The following PRRG4 variants were observed in gnomAD, a reference collection of about 807,000 sequenced individuals.
PRRG4 encodes transmembrane gamma-carboxyglutamic acid protein 4.
PRRG4 carries 12 observed loss-of-function variants against 20.0 expected under a neutral mutation model. That is an observed-to-expected ratio of 0.60 (90% CI 0.38 to 0.97). The LOEUF is 0.97. Among genes scored for constraint, PRRG4 ranks in the 50% least tolerant of loss-of-function variants. The probability of loss-of-function intolerance (pLI) is 0.00; values close to 1 mark genes in which losing one functional copy is unlikely to be tolerated. For missense variants in PRRG4, 199 were observed against 265.1 expected (o/e 0.75, Z 1.73); for synonymous variants, 94 against 96.4 (o/e 0.98, Z 0.15).
At chr11:32,851,498 C>G (rs1851182936) in intron 5 of PRRG4, among the ~76,000 whole-genome samples, 1 of 152,174 alleles carries the variant, frequency 6.6e-6, no homozygotes, top group Non-Finnish European at 1.5e-5. Context: ...TCTCAGTCAC[C>G]TCTCAACTAT....
At position 32,840,026 on chromosome 11, in the gene PRRG4, G is replaced by T; in HGVS notation, c.317-81G>T. 1 of 1,058,086 alleles carries T rather than the reference G, an allele frequency of 9.5e-7. No individual in the cohort carries two copies. The highest frequency in any genetic ancestry group is 1.4e-5 in the South Asian group (1 of 69,308). 65.5% of individuals were successfully genotyped at this position (1,058,086 alleles called of 1,614,324 possible). On this transcript the variant is annotated intron_variant, in intron 4 of 5. Transcript: ENST00000257836. The surrounding 1 kb of genome is among the most constrained non-coding windows in gnomAD (Gnocchi z 4.1). ...GATTAGATGCTGTATAATGTGTTTA[G>T]AACCAGGATTAAATTTGTTGAAATC...
At chr11:32,831,721 C>T (rs888941087) in intron 2 of PRRG4, among the ~76,000 whole-genome samples, 1 of 152,090 alleles carries the variant, frequency 6.6e-6, no homozygotes, top group African/African-American at 2.4e-5. Flanking sequence ...TCACATGACA[C>T]GGGTATAAGA....
chr11:32,845,369 T>A (rs1851118605), intron 5 of PRRG4, among the ~76,000 whole-genome samples: 1 of 152,168 alleles, frequency 6.6e-6, no homozygotes, highest in Non-Finnish European at 1.5e-5. Context: ...CTCACGTCTG[T>A]AATCCCAGCA....
intron 4 of PRRG4, 68 bp downstream of exon 4, chr11:32,838,998 T>C: frequency 8.0e-7 from 1 of 1,242,856 alleles, no homozygotes; most frequent in Non-Finnish European, 1.2e-6. Flanking sequence ...ATTTTAGTTT[T>C]ATTGTTTGAG....
intron 5 of PRRG4, among the ~76,000 whole-genome samples, chr11:32,845,642 A>T (rs1169406336): frequency 8.1e-6 from 1 of 124,032 alleles, no homozygotes; most frequent in Non-Finnish European, 1.7e-5. Flanking sequence ...AAAAAAAAAG[A>T]TAACACTGTT....
chr11:32,853,348 A>C lies in PRRG4; in HGVS notation c.502A>C (p.Arg168=). 6.2e-7 allele frequency: 1 copy of C among 1,614,150 alleles called. No individual in the cohort carries two copies. Among genetic ancestry groups the C allele is most frequent in the East Asian group, 2.2e-5 (1 of 44,884 alleles). ...GCACACTCCCTCCATCATTTTCAGA[A>C]GACCTGAGGAGGCTGCCTTGTCTCC... ...GRHTPSIIFR[R]PEEAALSPLP... The change falls in exon 6 of 6, where the codon AGA becomes CGA. Residue 168 remains arginine (R), a synonymous_variant. Transcript: ENST00000257836.
chr11:32,846,008 A>T (rs551013589), intron 5 of PRRG4, among the ~76,000 whole-genome samples: 10 of 152,170 alleles, frequency 6.6e-5, no homozygotes, highest in African/African-American at 2.2e-4. Context: ...TACAAAAAAA[A>T]TTAGCCAGGT....
rs753074313 is a variant in PRRG4 at position 32,830,537 on chromosome 11, C to T, written c.8C>T (p.Thr3Met). Residue 3 changes from threonine (T) to methionine (M), a missense_variant, in exon 2 of 6, where the codon ACG (threonine) becomes ATG (methionine). By Grantham distance (81) the Thr-to-Met change is moderately conservative. Coordinates refer to ENST00000257836, the MANE Select transcript of PRRG4 (RefSeq NM_024081.6). ...TTTGACAGTTGCCAGACTATGTTTA[C>T]GCTTCTGGTTCTACTCAGCCAACTG... MF[T>M]LLVLLSQLPT... 1.3e-6 allele frequency: 2 copies of T among 1,572,624 alleles called. No homozygotes were observed. Among genetic ancestry groups the T allele is most frequent in the Non-Finnish European group, 1.7e-6 (2 of 1,166,496 alleles).
chr11:32,834,429 C>A (rs552148808), intron 2 of PRRG4, among the ~76,000 whole-genome samples: 1 of 152,248 alleles, frequency 6.6e-6, no homozygotes, highest in East Asian at 1.9e-4. Flanking sequence ...CTCTATCTAC[C>A]TTTTAGAATA....
chr11:32,851,189 T>C (rs1851180297), intron 5 of PRRG4, among the ~76,000 whole-genome samples: 1 of 152,212 alleles, frequency 6.6e-6, no homozygotes, highest in Non-Finnish European at 1.5e-5. Context: ...GAGATGTTAT[T>C]AGTGCATACT....
chr11:32,845,178 T>C (rs1284717803), intron 5 of PRRG4, among the ~76,000 whole-genome samples: 1 of 152,198 alleles, frequency 6.6e-6, no homozygotes, highest in Non-Finnish European at 1.5e-5. Flanking sequence ...TTGCTAACCA[T>C]ATACTGTACA....
rs1851235528 is a variant in PRRG4 at position 32,857,385 on chromosome 11, A to C, written c.*3858A>C. The C allele has an allele frequency of 6.6e-6, 1 of 152,276 alleles. No individual in the cohort carries two copies. Among genetic ancestry groups the C allele is most frequent in the African/African-American group, 2.4e-5 (1 of 41,432 alleles). 9.4% of individuals were successfully genotyped at this position (152,276 alleles called of 1,614,324 possible). A position where few individuals can be genotyped will look rare whatever the true frequency, so the allele number is the denominator to read the frequency against. ...AGGCTGGTCTCAAACTCCTGACCTC[A>C]GGTGATCCGCCCGCCTCAGCCTCCC... On this transcript the variant is annotated 3_prime_UTR_variant, in exon 6 of 6. Transcript: ENST00000257836.
chr11:32,831,343 C>G (rs986710843), intron 2 of PRRG4, among the ~76,000 whole-genome samples: 8 of 152,212 alleles, frequency 5.3e-5, no homozygotes, highest in Admixed American at 2.6e-4. Flanking sequence ...AGTGTCAGTA[C>G]TCTGGATCCA....
At position 32,853,374 on chromosome 11, in the gene PRRG4, A is replaced by G; in HGVS notation, c.528A>G (p.Pro176=). The G allele has an allele frequency of 6.2e-7, 1 of 1,614,010 alleles. No individual in the cohort carries two copies. Among genetic ancestry groups the G allele is most frequent in the Non-Finnish European group, 8.5e-7 (1 of 1,180,004 alleles). ...GACCTGAGGAGGCTGCCTTGTCTCC[A>G]TTGCCGCCTTCTGTGGAGGATGCAG... is the stretch of plus-strand genomic sequence containing the variant. ...FRRPEEAALS[P]LPPSVEDAGL... Residue 176 remains proline, a synonymous_variant, in exon 6 of 6, where the codon CCA becomes CCG. Coordinates refer to ENST00000257836, the MANE Select transcript of PRRG4 (RefSeq NM_024081.6).
Position 32,856,146 on chromosome 11 carries a change from A to G in PRRG4, c.*2619A>G, listed in dbSNP as rs1367030978. ...TTTATGATGAATAGAATTATAAGATATGTATGTATCTTGCACTGAATCATA... is the reference window on the plus strand; with the variant it reads ...TTTATGATGAATAGAATTATAAGATGTGTATGTATCTTGCACTGAATCATA... On this transcript the variant is annotated 3_prime_UTR_variant, in exon 6 of 6. Coordinates refer to ENST00000257836, the MANE Select transcript of PRRG4 (RefSeq NM_024081.6). 3 of 152,212 alleles carry G rather than the reference A, an allele frequency of 2.0e-5. No individual in the cohort carries two copies. The highest frequency in any genetic ancestry group is 2.9e-5 in the Non-Finnish European group (2 of 68,030). 9.4% of individuals were successfully genotyped at this position (152,212 alleles called of 1,614,324 possible).
At position 32,841,733 on chromosome 11, in the gene PRRG4, C is replaced by G. The variant is rs576521867; in HGVS notation, c.449+1494C>G. ...GCTGAGGTGGGAGGATCATCTGAGC[C>G]TAGGAAGTCAAGGCTGGAGTGAGCC... On this transcript the variant is annotated intron_variant, in intron 5 of 5. Coordinates refer to ENST00000257836, the MANE Select transcript of PRRG4 (RefSeq NM_024081.6). Among the ~76,000 whole-genome samples, 3 of 152,148 alleles carry G rather than the reference C, an allele frequency of 2.0e-5. No individual in the cohort carries two copies. The East Asian group carries it at 5.8e-4, about 29-fold the overall frequency.
chr11:32,839,862 A>G (rs1392195206), intron 4 of PRRG4, among the ~76,000 whole-genome samples: 1 of 147,194 alleles, frequency 6.8e-6, no homozygotes, highest in African/African-American at 2.5e-5. Flanking sequence ...TTTAAAAAAT[A>G]TATATATTTT....
chr11:32,839,327 T>A (rs1451966569), intron 4 of PRRG4, among the ~76,000 whole-genome samples: 2 of 152,216 alleles, frequency 1.3e-5, no homozygotes. Flanking sequence ...ATTAAGTAAC[T>A]TGTAGAGAGG....
At chr11:32,832,389 G>T (rs1850980715) in intron 2 of PRRG4, among the ~76,000 whole-genome samples, 1 of 152,046 alleles carries the variant, frequency 6.6e-6, no homozygotes, top group South Asian at 2.1e-4. Context: ...GAGTTGTATG[G>T]CAGAGAAGCC....
Sources: gnomAD v4.1 joint callset for allele counts (sites outside exome capture counted in the v4.1 genomes callset) on GRCh38, gnomAD v4.1.1 for gene constraint, Gnocchi (gnomAD v3.1) non-coding constraint, MANE v1.5 for transcripts, NCBI Gene and HGNC (gene_info 2026-07-23, HGNC 2026-07-21) for gene names.